CPOX: variants seen among roughly 807,000 people sequenced by gnomAD.
The protein encoded by CPOX is coproporphyrinogen oxidase, also known as oxygen-dependent coproporphyrinogen-III oxidase, mitochondrial.
In CPOX, 24 loss-of-function variants were observed where a neutral mutation model predicts 48.9. The ratio of observed to expected loss-of-function variants is 0.49; its 90% CI spans 0.36 to 0.69. The LOEUF is 0.69. Ranked by LOEUF, CPOX falls within the 30% of genes least tolerant of loss-of-function variation. The pLI is 0.00. For synonymous variants in CPOX, 249 were observed against 234.6 expected, an observed-to-expected ratio of 1.06 and a Z score of -0.56; for missense variants, 549 against 597.3, an observed-to-expected ratio of 0.92 and a Z score of 0.84.
chr3:98,577,458 A>C (rs1206533981), downstream of CPOX, among the ~76,000 whole-genome samples: 2 of 152,216 alleles, frequency 1.3e-5, no homozygotes, highest in Admixed American at 1.3e-4. Context: ...CAAAGGGCAG[A>C]GGAAGGAAAC....
Position 98,590,737 on chromosome 3 carries a change from A to G in CPOX, c.706T>C (p.Leu236=), listed in dbSNP as rs758073812. The part of the protein sequence containing the change: ...GKVLKTKDGK[L]PFCAMGVSSV... The stretch of plus-strand genomic sequence containing the variant: ...CTCACGCCCATAGCACAAAATGGCA[A>G]TTTACCTGGAAAGTAAAATATGAGT... Residue 236 remains leucine (L), a synonymous_variant, in exon 3 of 7, where the codon TTG becomes CTG. Transcript: ENST00000647941. 1.2e-6 allele frequency: 2 copies of G among 1,609,290 alleles called. No homozygotes were observed. Among genetic ancestry groups the G allele is most frequent in the South Asian group, 1.1e-5 (1 of 90,994 alleles).
chr3:98,585,713 A>C lies in CPOX; in HGVS notation c.954-54T>G, dbSNP rs1707349781. On this transcript the variant is annotated intron_variant, in intron 4 of 6. Coordinates refer to ENST00000647941, the MANE Select transcript of CPOX (RefSeq NM_000097.7). ...GATCAAATGGAAAAAAACAGACATG[A>C]AAATCAATGTGAGCCTTTCAGGTTA... 2.9e-6 allele frequency: 4 copies of C among 1,382,976 alleles called. No homozygotes were observed. The Admixed American group carries it at 6.7e-5, about 23-fold the overall frequency. 85.7% of individuals were successfully genotyped at this position (1,382,976 alleles called of 1,614,324 possible). A position where few individuals can be genotyped will look rare whatever the true frequency, so the allele number is the denominator to read the frequency against.
At chr3:98,592,445 A>G (rs1285539782) in intron 1 of CPOX, among the ~76,000 whole-genome samples, 2 of 152,190 alleles carry the variant, frequency 1.3e-5, no homozygotes, top group Non-Finnish European at 2.9e-5. Flanking sequence ...CGAATCAAAT[A>G]TATCTTGTGT....
chr3:98,585,576 G>A lies in CPOX; in HGVS notation c.1037C>T (p.Ser346Phe). The A allele has an allele frequency of 6.2e-7, 1 of 1,614,088 alleles. No homozygotes were observed. Among genetic ancestry groups the A allele is most frequent in the East Asian group, 2.2e-5 (1 of 44,876 alleles). The change falls in exon 5 of 7, where the codon TCC becomes TTC. Residue 346 changes from serine to phenylalanine, a missense_variant. Ser to Phe is a radical substitution (Grantham distance 155, BLOSUM62 -2). Transcript: ENST00000647941. ...TACAAAGCGAAACACCTCCTCCTTG[G>A]ACGGAGAGTCAAGATCATCAAAAAA... The part of the protein sequence containing the change: ...GIFFDDLDSP[S>F]KEEVFRFVQS...
rs1301992521 is a variant in CPOX at position 98,588,736 on chromosome 3, A to G, written c.930T>C (p.Asp310=). Residue 310 remains aspartate, a synonymous_variant, in exon 4 of 7, where the codon GAT becomes GAC. Coordinates refer to ENST00000647941, the MANE Select transcript of CPOX (RefSeq NM_000097.7). ...ACCATTTTTTAAATTTGGGGTAGAGATCTGGACCATGCTGGTCACAAGCCT... is the reference window on the plus strand; with the variant it reads ...ACCATTTTTTAAATTTGGGGTAGAGGTCTGGACCATGCTGGTCACAAGCCT... ...LKEACDQHGP[D]LYPKFKKWCD... The G allele has an allele frequency of 3.7e-6, 6 of 1,614,204 alleles. No individual in the cohort carries two copies. The highest frequency in any genetic ancestry group is 4.2e-6 in the Non-Finnish European group (5 of 1,180,036).
At chr3:98,572,433 A>T in the CPOX span, among the ~76,000 whole-genome samples, 8 of 151,990 alleles carry the variant, frequency 5.3e-5, no homozygotes, top group South Asian at 4.2e-4. Flanking sequence ...TATAGCATCT[A>T]TTTCTTTATG....
chr3:98,572,540 T>C, the CPOX span, among the ~76,000 whole-genome samples: 431 of 152,340 alleles, frequency 2.8e-3, 2 homozygotes, highest in Non-Finnish European at 3.7e-3. Context: ...ATGTTTGCTA[T>C]AGCTTTATCA....
chr3:98,577,750 A>T (rs532110394), downstream of CPOX, among the ~76,000 whole-genome samples: 4 of 152,304 alleles, frequency 2.6e-5, no homozygotes, highest in South Asian at 2.1e-4. Flanking sequence ...GCTCTGAGCC[A>T]CCCATAGGCA....
chr3:98,582,914 G>A (rs987811315), intron 5 of CPOX, among the ~76,000 whole-genome samples: 1 of 152,034 alleles, frequency 6.6e-6, no homozygotes, highest in Non-Finnish European at 1.5e-5. Context: ...TGACTTTTAC[G>A]TACAAAAAAC....
At chr3:98,580,873 A>G (rs1707246310) in intron 6 of CPOX, 103 bp from the exon 7 acceptor site, 1 of 1,392,396 alleles carries the variant, frequency 7.2e-7, no homozygotes, top group Non-Finnish European at 9.7e-7. Context: ...TAAAAAAAAA[A>G]AAAGCCTTAT....
Position 98,593,029 on chromosome 3 carries a change from G to C in CPOX, c.476C>G (p.Thr159Ser), listed in dbSNP as rs1464335285. ...KTKMELLILE[T>S]QAQVCQALAQ... ...CAGAGCCTGGCACACCTGGGCCTGG[G>C]TCTCCAGAATCAGCAGCTCCATCTT... Residue 159 changes from threonine to serine, a missense_variant, in exon 1 of 7, where the codon ACC becomes AGC. This residue lies in a region of CPOX where 336 missense variants were observed against 318.1 expected (regional missense o/e 1.06). Transcript: ENST00000647941. 1 of 1,613,930 alleles carries C rather than the reference G, an allele frequency of 6.2e-7. No homozygotes were observed.
Position 98,586,371 on chromosome 3 carries a change from A to T in CPOX, c.954-712T>A, listed in dbSNP as rs1576301293. Among the ~76,000 whole-genome samples, 7 of 152,264 alleles carry T rather than the reference A, an allele frequency of 4.6e-5. No homozygotes were observed. In the South Asian group the frequency reaches 1.4e-3, roughly 32 times the overall value. ...GAATCTTCCACTAACAATGACACCA[A>T]CCATGGTGCAAATCCAAGCTCTCTT... On this transcript the variant is annotated intron_variant, in intron 4 of 6. Coordinates refer to ENST00000647941, the MANE Select transcript of CPOX (RefSeq NM_000097.7).
chr3:98,584,928 T>TC (rs1443816261), intron 5 of CPOX, among the ~76,000 whole-genome samples: 5 of 152,280 alleles, frequency 3.3e-5, no homozygotes, highest in African/African-American at 1.2e-4. Flanking sequence ...ACCAGCTGTG[T>TC]CTCTTGGGCA....
At chr3:98,583,331 A>G (rs1188015436) in intron 5 of CPOX, among the ~76,000 whole-genome samples, 2 of 152,214 alleles carry the variant, frequency 1.3e-5, no homozygotes, top group Non-Finnish European at 2.9e-5. Flanking sequence ...TTGCATTAAT[A>G]AGCAGTCATA....
downstream of CPOX, among the ~76,000 whole-genome samples, chr3:98,576,496 C>T (rs530720977): frequency 1.3e-4 from 20 of 152,264 alleles, no homozygotes; most frequent in African/African-American, 4.8e-4. Flanking sequence ...CAAACCCTAA[C>T]CATATCAGTG....
chr3:98,591,197 G>A, intron 1 of CPOX, 42 bp from the exon 2 acceptor site: 3 of 1,610,566 alleles, frequency 1.9e-6, no homozygotes, highest in South Asian at 1.1e-5. Flanking sequence ...GTAAGAGTAT[G>A]TGCAAAACTG....
intron 3 of CPOX, chr3:98,589,574 G>A (rs936897727): frequency 3.4e-5 from 5 of 148,522 alleles, no homozygotes; most frequent in African/African-American, 4.9e-5. Context: ...AAACTCCCCA[G>A]GAGATTCTGA....
In CPOX at chr3:98,593,053, T is replaced by C. The variant is rs1707510727; in HGVS notation, c.452A>G (p.Lys151Arg). ...GGTCTCCAGAATCAGCAGCTCCATC[T>C]TGGTCTTCATGTCGCCCGGCCTCCT... Reference protein sequence around the residue: ...LRRRPGDMKTKMELLILETQA... With the variant: ...LRRRPGDMKTRMELLILETQA... The change falls in exon 1 of 7, where the codon AAG (lysine) becomes AGG (arginine). Residue 151 changes from lysine to arginine, a missense_variant. Lys to Arg is a conservative substitution (Grantham distance 26, BLOSUM62 2). Coordinates refer to ENST00000647941, the MANE Select transcript of CPOX (RefSeq NM_000097.7). 6.2e-7 allele frequency: 1 copy of C among 1,613,976 alleles called. No homozygotes were observed. Among genetic ancestry groups the C allele is most frequent in the East Asian group, 2.2e-5 (1 of 44,852 alleles).
intron 4 of CPOX, among the ~76,000 whole-genome samples, chr3:98,587,750 A>G (rs1224147232): frequency 6.6e-6 from 1 of 151,986 alleles, no homozygotes; most frequent in Non-Finnish European, 1.5e-5. Flanking sequence ...AAACCAAAGC[A>G]TTTATACTAA....
Sources: allele counts gnomAD v4.1 joint callset (sites outside exome capture counted in the v4.1 genomes callset), GRCh38; gene constraint gnomAD v4.1.1; regional missense constraint gnomAD v4.1.1; transcripts MANE v1.5; gene names NCBI Gene and HGNC (gene_info 2026-07-23, HGNC 2026-07-21).